Variants in RTL4 observed in about 807,000 individuals in gnomAD.
RTL4 encodes the protein retrotransposon Gag-like protein 4.
RTL4 carries 4 observed loss-of-function variants against 5.3 expected under a neutral mutation model. The observed-to-expected ratio is 0.75, with a 90% confidence interval of 0.37 to 1.72. The LOEUF (loss-of-function observed/expected upper bound fraction) is 1.72. Ranked by LOEUF, RTL4 falls within the 40% of genes most tolerant of loss-of-function variation. RTL4 has a pLI of 0.04. For missense variants in RTL4, 260 were observed against 227.1 expected (o/e 1.14, Z -0.93); for synonymous variants, 98 against 87.3 (o/e 1.12, Z -0.68).
At chrX:112,310,790 T>C in the RTL4 span, among the ~76,000 whole-genome samples, 16 of 76,463 alleles carry the variant, frequency 2.1e-4, no homozygotes, top group African/African-American at 9.8e-4. Flanking sequence ...ATATTAATAT[T>C]ATATATAATT....
At chrX:112,243,471 A>G in the RTL4 span, among the ~76,000 whole-genome samples, 1 of 111,525 alleles carries the variant, frequency 9.0e-6, no homozygotes, top group Non-Finnish European at 1.9e-5. Context: ...TAGATTTTCT[A>G]GTATATTTGT....
At chrX:112,355,705 G>A in the RTL4 span, among the ~76,000 whole-genome samples, 37 of 111,149 alleles carry the variant, frequency 3.3e-4, no homozygotes, top group Non-Finnish European at 5.5e-4. Context: ...TCCTGAGGAT[G>A]AATTTGATAT....
At chrX:112,201,190 A>C in the RTL4 span, among the ~76,000 whole-genome samples, 2 of 110,708 alleles carry the variant, frequency 1.8e-5, no homozygotes, top group Non-Finnish European at 3.8e-5. Context: ...AGGTTTCGTA[A>C]GAACTCACTC....
At chrX:112,356,577 G>GT in the RTL4 span, among the ~76,000 whole-genome samples, 1 of 80,419 alleles carries the variant, frequency 1.2e-5, no homozygotes, top group African/African-American at 8.9e-5. Context: ...CATTTGTTTT[G>GT]GGGTGTGTGT....
the RTL4 span, among the ~76,000 whole-genome samples, chrX:112,113,327 G>C: frequency 9.0e-6 from 1 of 111,036 alleles, no homozygotes; most frequent in Non-Finnish European, 1.9e-5. Flanking sequence ...CTCCAGCTTT[G>C]GCTAATATGT....
chrX:112,237,577 T>C, the RTL4 span, among the ~76,000 whole-genome samples: 1 of 112,424 alleles, frequency 8.9e-6, no homozygotes, highest in African/African-American at 3.2e-5. Context: ...AGTTTAAGTA[T>C]AAAATGAGGA....
At chrX:112,134,724 G>A in the RTL4 span, among the ~76,000 whole-genome samples, 1,619 of 111,827 alleles carry the variant, frequency 0.014, 25 homozygotes, top group African/African-American at 0.05. Context: ...TTTCCTCCTA[G>A]CCCTCAGAAA....
chrX:112,414,906 TAATA>T, the RTL4 span, among the ~76,000 whole-genome samples: 3 of 111,421 alleles, frequency 2.7e-5, no homozygotes, highest in Non-Finnish European at 1.9e-5. Context: ...TATGTGTATA[TAATA>T]AATAATTATA....
At chrX:112,197,204 G>GAA in the RTL4 span, among the ~76,000 whole-genome samples, 2 of 99,623 alleles carry the variant, frequency 2.0e-5, no homozygotes, top group Admixed American at 1.1e-4. Context: ...GTTGTTATAT[G>GAA]AAAAAAAAAA....
chrX:112,148,463 A>C, the RTL4 span, among the ~76,000 whole-genome samples: 1 of 111,680 alleles, frequency 9.0e-6, no homozygotes. Context: ...CAGGGCCACA[A>C]TTTAATTCCT....
chrX:112,199,243 C>T, the RTL4 span, among the ~76,000 whole-genome samples: 9 of 100,861 alleles, frequency 8.9e-5, no homozygotes, highest in African/African-American at 3.4e-4. Context: ...GAGCCAAGAT[C>T]GTGCCACTGC....
the RTL4 span, among the ~76,000 whole-genome samples, chrX:112,433,286 G>T: frequency 9.5e-6 from 1 of 104,958 alleles, no homozygotes; most frequent in African/African-American, 3.5e-5. Flanking sequence ...TTGGTAGCTT[G>T]ATGGGGATGG....
the RTL4 span, among the ~76,000 whole-genome samples, chrX:112,135,664 G>A: frequency 9.1e-6 from 1 of 110,210 alleles, no homozygotes; most frequent in East Asian, 2.8e-4. Flanking sequence ...TCACATCTGT[G>A]ATTCATTTTG....
At chrX:112,247,886 T>G in the RTL4 span, among the ~76,000 whole-genome samples, 3 of 111,878 alleles carry the variant, frequency 2.7e-5, no homozygotes, top group African/African-American at 9.7e-5. Flanking sequence ...GAAGGACTGG[T>G]TTCCTCCAAC....
At chrX:112,197,466 CTA>C in the RTL4 span, among the ~76,000 whole-genome samples, 1 of 44 alleles carries the variant, frequency 0.023, no homozygotes, top group African/African-American at 0.056. Context: ...ATCCAGCTCT[CTA>C]TGTAATGTAG....
the RTL4 span, among the ~76,000 whole-genome samples, chrX:112,108,769 A>G: frequency 9.0e-6 from 1 of 110,870 alleles, no homozygotes; most frequent in Non-Finnish European, 1.9e-5. Context: ...GCTGTTTGAA[A>G]CCTGGGCCAT....
chrX:112,220,262 G>T, the RTL4 span, among the ~76,000 whole-genome samples: 1 of 111,840 alleles, frequency 8.9e-6, no homozygotes. Context: ...TGTTCTTTTG[G>T]GCTCACAATA....
chrX:112,412,464 G>A, the RTL4 span, among the ~76,000 whole-genome samples: 1 of 111,405 alleles, frequency 9.0e-6, no homozygotes, highest in Non-Finnish European at 1.9e-5. Context: ...ATACTACAAA[G>A]CTATATTAAC....
At chrX:112,146,586 T>A in the RTL4 span, among the ~76,000 whole-genome samples, 7,687 of 110,049 alleles carry the variant, frequency 0.07, 697 homozygotes, top group African/African-American at 0.24. Context: ...CAAAGGCTAA[T>A]GGTCAGGGAA....
Sources: gnomAD v4.1 joint callset for allele counts (sites outside exome capture counted in the v4.1 genomes callset) on GRCh38, gnomAD v4.1.1 for gene constraint, MANE v1.5 for transcripts, NCBI Gene and HGNC (gene_info 2026-07-23, HGNC 2026-07-21) for gene names.